The following SGCZ variants were observed in gnomAD, a reference collection of about 807,000 sequenced individuals.
The protein encoded by SGCZ is sarcoglycan zeta.
SGCZ carries 40 observed loss-of-function variants against 41.3 expected under a neutral mutation model. The observed-to-expected ratio is 0.97, with a 90% confidence interval of 0.75 to 1.26. SGCZ has a LOEUF of 1.26. SGCZ is among the 50% of genes most tolerant of loss of function. The pLI is 0.00. For missense variants in SGCZ, 552 were observed against 369.8 expected (o/e 1.49, Z -4.04); for synonymous variants, 206 against 137.5 (o/e 1.50, Z -3.49).
At chr8:14,925,134 A>G (rs1799708273) in intron 1 of SGCZ, among the ~76,000 whole-genome samples, 2 of 152,212 alleles carry the variant, frequency 1.3e-5, no homozygotes. Context: ...CTGGGATTAT[A>G]GGCGTGAGGC....
At chr8:14,363,469 C>T (rs1362243312) in intron 2 of SGCZ, among the ~76,000 whole-genome samples, 1 of 152,086 alleles carries the variant, frequency 6.6e-6, no homozygotes, top group Non-Finnish European at 1.5e-5. Context: ...AGGTAATAAG[C>T]CCAAGACAGG....
rs181227525 is a variant in SGCZ, at chr8:14,247,109, G to A, written c.337-9430C>T. 9.9e-5 allele frequency among the ~76,000 whole-genome samples: 15 copies of A among 152,222 alleles called. No homozygotes were observed. The East Asian group carries it at 2.5e-3, about 26-fold the overall frequency. ...CTTGAATGTGAAGTAATGCAGAAGA[G>A]AGATATTATCTATGTATCAATCAAC... On this transcript the variant is annotated intron_variant, in intron 3 of 7. Transcript: ENST00000382080.
intron 4 of SGCZ, among the ~76,000 whole-genome samples, chr8:14,183,088 GTAA>G (rs911320289): frequency 1.3e-5 from 2 of 150,746 alleles, no homozygotes; most frequent in Non-Finnish European, 1.5e-5. Context: ...CAAATAAATA[GTAA>G]TAAAAAACAC....
intron 2 of SGCZ, among the ~76,000 whole-genome samples, chr8:14,355,720 G>C (rs546724452): frequency 6.6e-6 from 1 of 152,038 alleles, no homozygotes; most frequent in African/African-American, 2.4e-5. Flanking sequence ...AAGACTCTCT[G>C]TGGAACTTCT....
intron 2 of SGCZ, among the ~76,000 whole-genome samples, chr8:14,531,197 T>C (rs1172676378): frequency 6.6e-6 from 1 of 151,976 alleles, no homozygotes; most frequent in Non-Finnish European, 1.5e-5. Context: ...TCCAAGCCTA[T>C]TCATAAACCT....
At chr8:14,725,568 TA>T (rs1437270167) in intron 1 of SGCZ, among the ~76,000 whole-genome samples, 1 of 152,096 alleles carries the variant, frequency 6.6e-6, no homozygotes, top group Admixed American at 6.6e-5. Flanking sequence ...AGAATGAGAA[TA>T]AAAATAATGA....
chr8:14,499,200 T>C (rs1204643266), intron 2 of SGCZ, among the ~76,000 whole-genome samples: 1 of 152,050 alleles, frequency 6.6e-6, no homozygotes. Flanking sequence ...TCTACCCATA[T>C]CTCTATCAAA....
intron 4 of SGCZ, among the ~76,000 whole-genome samples, chr8:14,232,059 A>T (rs1806591267): frequency 6.6e-6 from 1 of 152,016 alleles, no homozygotes; most frequent in Admixed American, 6.6e-5. Context: ...CAAAAAATAC[A>T]GGAAAACAAA....
At chr8:14,983,678 T>C (rs1168294027) in intron 1 of SGCZ, among the ~76,000 whole-genome samples, 1 of 152,096 alleles carries the variant, frequency 6.6e-6, no homozygotes, top group Non-Finnish European at 1.5e-5. Context: ...ACAATATTCC[T>C]TTGAGGTGAA....
At chr8:14,201,842 C>T (rs181470236) in intron 4 of SGCZ, among the ~76,000 whole-genome samples, 7 of 149,814 alleles carry the variant, frequency 4.7e-5, no homozygotes, top group Non-Finnish European at 1.1e-4. Context: ...AGAAGTATCA[C>T]TAGTGAGATC....
intron 2 of SGCZ, among the ~76,000 whole-genome samples, chr8:14,462,656 G>A (rs559285857): frequency 1.3e-5 from 2 of 152,020 alleles, no homozygotes; most frequent in South Asian, 2.1e-4. Flanking sequence ...AAGTATGAAC[G>A]CTTCCACTTT....
intron 1 of SGCZ, among the ~76,000 whole-genome samples, chr8:14,811,165 C>T (rs911819060): frequency 6.6e-6 from 1 of 152,012 alleles, no homozygotes; most frequent in Non-Finnish European, 1.5e-5. Context: ...AATAACTTCT[C>T]TGTTCATCAT....
At chr8:15,087,457 A>G (rs909567528) in intron 1 of SGCZ, among the ~76,000 whole-genome samples, 40 of 152,222 alleles carry the variant, frequency 2.6e-4, no homozygotes, top group Admixed American at 2.3e-3. Flanking sequence ...CGCTGATTTC[A>G]TTCCCCACGT....
intron 1 of SGCZ, among the ~76,000 whole-genome samples, chr8:14,729,650 A>G (rs1327472554): frequency 1.6e-5 from 2 of 128,262 alleles, no homozygotes; most frequent in African/African-American, 8.6e-5. Context: ...TTAAAAATCA[A>G]TCAATCAATC....
At chr8:14,672,748 T>G (rs74534822) in intron 1 of SGCZ, among the ~76,000 whole-genome samples, 2,286 of 152,322 alleles carry the variant, frequency 0.015, 24 homozygotes, top group Non-Finnish European at 0.019. Flanking sequence ...AGAACTTCTT[T>G]AACACTACCT....
intron 2 of SGCZ, among the ~76,000 whole-genome samples, chr8:14,370,515 AAC>A (rs750184687): frequency 5.9e-5 from 9 of 151,974 alleles, no homozygotes; most frequent in Non-Finnish European, 8.8e-5. Flanking sequence ...CAATCACAGT[AAC>A]ACAACTGGTA....
At chr8:14,196,318 C>T (rs141879389) in intron 4 of SGCZ, among the ~76,000 whole-genome samples, 42 of 149,924 alleles carry the variant, frequency 2.8e-4, no homozygotes, top group African/African-American at 1.0e-3. Flanking sequence ...GGCTGGAGTG[C>T]AATGGTGTGA....
intron 2 of SGCZ, among the ~76,000 whole-genome samples, chr8:14,394,601 T>G (rs1036738005): frequency 6.6e-6 from 1 of 152,188 alleles, no homozygotes; most frequent in African/African-American, 2.4e-5. Context: ...ATGCATTCAT[T>G]CAGCAAATTC....
chr8:14,814,505 C>T (rs952420359), intron 1 of SGCZ, among the ~76,000 whole-genome samples: 9 of 152,162 alleles, frequency 5.9e-5, no homozygotes, highest in Non-Finnish European at 1.2e-4. Flanking sequence ...CCAGAAGTGC[C>T]ATAAGAATTG....
Sources: gnomAD v4.1 joint callset for allele counts (sites outside exome capture counted in the v4.1 genomes callset) on GRCh38, gnomAD v4.1.1 for gene constraint, MANE v1.5 for transcripts, NCBI Gene and HGNC (gene_info 2026-07-23, HGNC 2026-07-21) for gene names.